Variants in PLCB4 observed in about 807,000 individuals in gnomAD.
The protein encoded by PLCB4 is phospholipase C beta 4, also known as 1-phosphatidylinositol 4,5-bisphosphate phosphodiesterase beta-4.
In PLCB4, 77 loss-of-function variants were observed where a neutral mutation model predicts 178.8. That is an observed-to-expected ratio of 0.43 (90% confidence interval 0.36 to 0.52). The LOEUF is 0.52. Ranked by LOEUF, PLCB4 falls within the 20% of genes least tolerant of loss-of-function variation. The probability of loss-of-function intolerance (pLI) is 0.00; values close to 1 mark genes in which losing one functional copy is unlikely to be tolerated. For missense variants in PLCB4, 1,024 were observed against 1,453.4 expected (o/e 0.70, Z 4.80); for synonymous variants, 496 against 490.8 (o/e 1.01, Z -0.14).
intron 25 of PLCB4, 146 bp from the exon 26 acceptor site, chr20:9,419,661 A>G (rs2040491159): frequency 4.7e-6 from 3 of 640,990 alleles, no homozygotes; most frequent in Admixed American, 2.4e-5. Flanking sequence ...GGGCGGGCAC[A>G]TTCTCTTCCA....
chr20:9,291,940 T>C (rs2094583372), intron 3 of PLCB4, among the ~76,000 whole-genome samples: 1 of 152,208 alleles, frequency 6.6e-6, no homozygotes, highest in African/African-American at 2.4e-5. Context: ...TTATGACTCC[T>C]GTATAATAAT....
intron 4 of PLCB4, among the ~76,000 whole-genome samples, chr20:9,319,379 G>A (rs952751212): frequency 6.6e-6 from 1 of 152,112 alleles, no homozygotes; most frequent in Admixed American, 6.5e-5. Context: ...GTTTTTGAGA[G>A]GGTGCTGTAT....
chr20:9,205,593 A>G (rs1449957336), intron 2 of PLCB4, among the ~76,000 whole-genome samples: 1 of 152,208 alleles, frequency 6.6e-6, no homozygotes, highest in East Asian at 1.9e-4. Context: ...GAACCATGCA[A>G]CTGACGTTGA....
intron 3 of PLCB4, among the ~76,000 whole-genome samples, chr20:9,244,337 G>T (rs2147436565): frequency 6.6e-6 from 1 of 152,226 alleles, no homozygotes; most frequent in Admixed American, 6.5e-5. Flanking sequence ...TATTTTTTAA[G>T]GAACTTGAAC....
chr20:9,375,777 CTGTT>C (rs1024023235), intron 12 of PLCB4, among the ~76,000 whole-genome samples: 1 of 152,044 alleles, frequency 6.6e-6, no homozygotes, highest in African/African-American at 2.4e-5. Flanking sequence ...CACGGAAAAA[CTGTT>C]TGAAGTAATT....
intron 30 of PLCB4, among the ~76,000 whole-genome samples, chr20:9,440,110 G>T (rs2042020210): frequency 6.6e-6 from 1 of 152,206 alleles, no homozygotes; most frequent in African/African-American, 2.4e-5. Flanking sequence ...CATGGTAGTT[G>T]CAGTGTTCTA....
intron 3 of PLCB4, among the ~76,000 whole-genome samples, chr20:9,271,657 T>A (rs933277655): frequency 6.6e-6 from 1 of 152,114 alleles, no homozygotes; most frequent in African/African-American, 2.4e-5. Context: ...TGTGAGTAAA[T>A]AATACATCCT....
intron 2 of PLCB4, among the ~76,000 whole-genome samples, chr20:9,097,230 G>GC (rs1568741397): frequency 7.4e-6 from 1 of 135,478 alleles, no homozygotes; most frequent in Non-Finnish European, 1.6e-5. Context: ...CCACAGCCTG[G>GC]CCTTTTTTTT....
rs552410448 is a variant in PLCB4 at position 9,353,155 on chromosome 20, T to C, written c.370-9741T>C. Among the ~76,000 whole-genome samples the C allele has an allele frequency of 3.3e-5, 5 of 152,348 alleles. No homozygotes were observed. In the East Asian group the frequency reaches 9.6e-4, roughly 29 times the overall value. On this transcript the variant is annotated intron_variant, in intron 7 of 39. Coordinates refer to ENST00000378473, the MANE Select transcript of PLCB4 (RefSeq NM_001377142.1). Reference sequence around the variant, plus strand: ...GTGGGGGCAAAAGTCCTGTTGCTTTTTAGCCACCAGTTTCAGAAGTAGGTT... The same window carrying C: ...GTGGGGGCAAAAGTCCTGTTGCTTTCTAGCCACCAGTTTCAGAAGTAGGTT...
At position 9,464,609 on chromosome 20, in the gene PLCB4, G is replaced by A. The variant is rs182245623; in HGVS notation, c.3249-3962G>A. ...AAATGATAAAAGAGATATCACCACC[G>A]ATCCCACAGAAATACAAACTACCAT... On this transcript the variant is annotated intron_variant, in intron 35 of 39. Coordinates refer to ENST00000378473, the MANE Select transcript of PLCB4 (RefSeq NM_001377142.1). Among the ~76,000 whole-genome samples the A allele has an allele frequency of 4.7e-4, 71 of 152,138 alleles. No homozygotes were observed. In the East Asian group the frequency reaches 0.013, roughly 28 times the overall value.
At chr20:9,465,021 C>T (rs1286577001) in intron 35 of PLCB4, among the ~76,000 whole-genome samples, 1 of 152,136 alleles carries the variant, frequency 6.6e-6, no homozygotes, top group Non-Finnish European at 1.5e-5. Flanking sequence ...AACATCCATG[C>T]AAAAATCCTC....
At chr20:9,471,813 A>G (rs2044212106) in intron 36 of PLCB4, among the ~76,000 whole-genome samples, 1 of 149,726 alleles carries the variant, frequency 6.7e-6, no homozygotes, top group Non-Finnish European at 1.5e-5. Context: ...GTTGGGGACA[A>G]CTGGATTGGA....
chr20:9,442,821 T>G (rs1174870651), intron 30 of PLCB4, among the ~76,000 whole-genome samples: 1 of 152,190 alleles, frequency 6.6e-6, no homozygotes, highest in Non-Finnish European at 1.5e-5. Context: ...CAAGGCTGAT[T>G]TCCCTCAGCC....
chr20:9,195,691 C>G (rs1302836514), intron 2 of PLCB4, among the ~76,000 whole-genome samples: 3 of 152,270 alleles, frequency 2.0e-5, no homozygotes, highest in Middle Eastern at 3.4e-3. Flanking sequence ...GGCCTTTGGA[C>G]TCTTATTGAA....
intron 3 of PLCB4, among the ~76,000 whole-genome samples, chr20:9,288,677 A>G (rs1294571940): frequency 3.9e-5 from 6 of 151,924 alleles, no homozygotes; most frequent in Admixed American, 6.6e-5. Context: ...AGGATAAAGG[A>G]CAGAGGAGGT....
At chr20:9,110,993 T>C (rs1178470573) in intron 2 of PLCB4, among the ~76,000 whole-genome samples, 1 of 152,320 alleles carries the variant, frequency 6.6e-6, no homozygotes, top group African/African-American at 2.4e-5. Context: ...ATTCAATTTA[T>C]TATTCAAACT....
At chr20:9,089,197 TATG>T (rs935244282) in intron 1 of PLCB4, among the ~76,000 whole-genome samples, 5 of 151,980 alleles carry the variant, frequency 3.3e-5, no homozygotes, top group African/African-American at 1.2e-4. Context: ...TAGGTGACAA[TATG>T]ATAAGAAGTT....
At chr20:9,415,879 T>C (rs904058372) in intron 25 of PLCB4, among the ~76,000 whole-genome samples, 1 of 152,092 alleles carries the variant, frequency 6.6e-6, no homozygotes, top group African/African-American at 2.4e-5. Flanking sequence ...GGCTTCAGCT[T>C]CCCTATCAAT....
intron 3 of PLCB4, among the ~76,000 whole-genome samples, chr20:9,276,996 G>A (rs558467890): frequency 6.6e-6 from 1 of 152,172 alleles, no homozygotes; most frequent in Admixed American, 6.5e-5. Context: ...CATAACTGCT[G>A]AATCAGACTG....
Sources: allele counts gnomAD v4.1 joint callset (sites outside exome capture counted in the v4.1 genomes callset), GRCh38; gene constraint gnomAD v4.1.1; transcripts MANE v1.5; gene names NCBI Gene and HGNC (gene_info 2026-07-23, HGNC 2026-07-21).